Variants in FAM174A observed in about 807,000 individuals in gnomAD.
The protein encoded by FAM174A is membrane protein FAM174A.
A neutral mutation model predicts 14.3 loss-of-function variants in FAM174A; 14 were observed. That is an observed-to-expected ratio of 0.98 (90% CI 0.65 to 1.53). FAM174A has a LOEUF of 1.53. Ranked by LOEUF, FAM174A falls within the 40% of genes most tolerant of loss-of-function variation. The pLI is 0.00. For missense variants in FAM174A, 241 were observed against 249.6 expected, an observed-to-expected ratio of 0.97 and a Z score of 0.23; for synonymous variants, 108 against 111.4, an observed-to-expected ratio of 0.97 and a Z score of 0.19.
At chr5:100,544,303 C>T (rs1185730026) in intron 1 of FAM174A, among the ~76,000 whole-genome samples, 2 of 152,054 alleles carry the variant, frequency 1.3e-5, no homozygotes, top group East Asian at 1.9e-4. Flanking sequence ...GGTCGTACCC[C>T]TGCATTTGTA....
At chr5:100,581,479 A>G (rs1747015328) in intron 2 of FAM174A, 5 of 682,412 alleles carry the variant, frequency 7.3e-6, no homozygotes, top group Non-Finnish European at 9.0e-6. Flanking sequence ...AAGGCCCAGC[A>G]TGGTGGCTCA....
chr5:100,556,876 T>C (rs946615343), intron 1 of FAM174A, among the ~76,000 whole-genome samples: 4 of 152,182 alleles, frequency 2.6e-5, no homozygotes, highest in African/African-American at 9.7e-5. Flanking sequence ...TATACAATCA[T>C]GTCATCTGCA....
chr5:100,575,390 A>G (rs1430068861), intron 2 of FAM174A, among the ~76,000 whole-genome samples: 1 of 151,972 alleles, frequency 6.6e-6, no homozygotes, highest in East Asian at 1.9e-4. Flanking sequence ...TCCTAATGCT[A>G]TCCCTCGTCT....
chr5:100,568,877 G>T lies in FAM174A; in HGVS notation c.569+6689G>T, dbSNP rs550944778. On this transcript the variant is annotated intron_variant, in intron 2 of 2. Coordinates refer to ENST00000312637, the MANE Select transcript of FAM174A (RefSeq NM_198507.3). Reference sequence around the variant, plus strand: ...TTCAGTGTGCTCATAGTAGTCATTTGAAATATAATTTAATTTATTTTAGTT... The same window carrying T: ...TTCAGTGTGCTCATAGTAGTCATTTTAAATATAATTTAATTTATTTTAGTT... 5.3e-5 allele frequency among the ~76,000 whole-genome samples: 8 copies of T among 151,964 alleles called. 1 individual carries two copies. Among genetic ancestry groups the T allele is most frequent in the African/African-American group, 1.7e-4 (7 of 41,506 alleles).
intron 1 of FAM174A, among the ~76,000 whole-genome samples, chr5:100,542,512 A>G (rs1746077469): frequency 6.6e-6 from 1 of 152,180 alleles, no homozygotes; most frequent in Non-Finnish European, 1.5e-5. Context: ...TTAGGTTCAC[A>G]TCACTAGATT....
intron 2 of FAM174A, among the ~76,000 whole-genome samples, chr5:100,569,778 G>C (rs1040265679): frequency 1.1e-4 from 16 of 151,560 alleles, no homozygotes; most frequent in African/African-American, 3.9e-4. Flanking sequence ...GCACAAAAAT[G>C]GACAAAATGC....
chr5:100,547,724 T>C (rs924760281), intron 1 of FAM174A, among the ~76,000 whole-genome samples: 1 of 152,154 alleles, frequency 6.6e-6, no homozygotes, highest in Non-Finnish European at 1.5e-5. Flanking sequence ...TGATATACAG[T>C]AGCAGTGTGG....
intron 1 of FAM174A, among the ~76,000 whole-genome samples, chr5:100,554,503 G>A (rs891176031): frequency 4.0e-5 from 6 of 151,676 alleles, no homozygotes; most frequent in Non-Finnish European, 7.4e-5. Flanking sequence ...TTTTACTAGA[G>A]ACAGGATTTC....
intron 1 of FAM174A, among the ~76,000 whole-genome samples, chr5:100,542,846 A>ATGTGTGTGTG (rs147251634): frequency 1.0e-4 from 15 of 150,316 alleles, no homozygotes; most frequent in African/African-American, 3.4e-4. Context: ...ATATATATAT[A>ATGTGTGTGTG]TGTGTGTGTG....
intron 1 of FAM174A, among the ~76,000 whole-genome samples, chr5:100,548,346 C>A (rs756018176): frequency 1.3e-5 from 2 of 152,002 alleles, no homozygotes; most frequent in Admixed American, 6.6e-5. Context: ...TTCATCAGAA[C>A]AACAACTAAT....
chr5:100,572,143 C>G (rs577097068), intron 2 of FAM174A, among the ~76,000 whole-genome samples: 82 of 151,212 alleles, frequency 5.4e-4, no homozygotes, highest in African/African-American at 1.9e-3. Flanking sequence ...CAGTAGTATT[C>G]CTGCTTAAGG....
At chr5:100,536,119 C>T (rs1450140273) in intron 1 of FAM174A, among the ~76,000 whole-genome samples, 155 bp downstream of exon 1, 3 of 152,210 alleles carry the variant, frequency 2.0e-5, no homozygotes, top group Non-Finnish European at 4.4e-5. Context: ...GGCCTGTTAC[C>T]TTTGGAGCAA....
chr5:100,552,592 T>C (rs1183482756), intron 1 of FAM174A, among the ~76,000 whole-genome samples: 1 of 152,154 alleles, frequency 6.6e-6, no homozygotes, highest in African/African-American at 2.4e-5. Context: ...CTCCCTTTCA[T>C]AGAGCAGTGA....
intron 2 of FAM174A, among the ~76,000 whole-genome samples, chr5:100,581,100 C>G (rs9327203): frequency 0.082 from 12,468 of 151,868 alleles, 793 homozygotes; most frequent in African/African-American, 0.17. Context: ...GGCTAATTTT[C>G]TGTATTTTTA....
chr5:100,549,915 CTT>C (rs1212549771), intron 1 of FAM174A, among the ~76,000 whole-genome samples: 1 of 152,006 alleles, frequency 6.6e-6, no homozygotes, highest in Non-Finnish European at 1.5e-5. Context: ...TAAAAAGAGA[CTT>C]TTAAAATATC....
chr5:100,565,497 A>G (rs983944867), intron 2 of FAM174A, among the ~76,000 whole-genome samples: 1 of 151,830 alleles, frequency 6.6e-6, no homozygotes, highest in Admixed American at 6.6e-5. Context: ...ATCTCACATA[A>G]TCTGATTTTA....
intron 1 of FAM174A, among the ~76,000 whole-genome samples, chr5:100,545,671 A>G (rs548158718): frequency 8.3e-4 from 126 of 152,164 alleles, no homozygotes; most frequent in Non-Finnish European, 1.6e-3. Flanking sequence ...TTTCTATGCT[A>G]ATTAATTTAC....
rs1293937887 is a variant in FAM174A at position 100,562,126 on chromosome 5, A to G, written c.507A>G (p.Thr169=). 2 of 1,585,928 alleles carry G rather than the reference A, an allele frequency of 1.3e-6. No homozygotes were observed. Among genetic ancestry groups the G allele is most frequent in the East Asian group, 4.7e-5 (2 of 42,760 alleles). ...LDTNIENMEL[T]PLEQDDEDDD... ...CTAACATAGAAAATATGGAATTGAC[A>G]CCTTTAGAACAGGATGATGAGGATG... Residue 169 remains threonine, a synonymous_variant, in exon 2 of 3, where the codon ACA becomes ACG. Transcript: ENST00000312637.
intron 1 of FAM174A, 131 bp downstream of exon 1, chr5:100,536,095 T>C (rs1335183662): frequency 1.4e-5 from 11 of 794,540 alleles, no homozygotes; most frequent in Admixed American, 6.6e-5. Context: ...GAATATGATA[T>C]TGACTTTCTT....
Sources: gnomAD v4.1 joint callset for allele counts (sites outside exome capture counted in the v4.1 genomes callset) on GRCh38, gnomAD v4.1.1 for gene constraint, MANE v1.5 for transcripts, NCBI Gene and HGNC (gene_info 2026-07-23, HGNC 2026-07-21) for gene names.